The following OPCML variants were observed in gnomAD, a reference collection of about 807,000 sequenced individuals.
The protein encoded by OPCML is opioid-binding protein/cell adhesion molecule.
A neutral mutation model predicts 37.8 loss-of-function variants in OPCML; 13 were observed. The ratio of observed to expected loss-of-function variants is 0.34; its 90% CI spans 0.22 to 0.55. The LOEUF (loss-of-function observed/expected upper bound fraction) is 0.55, where lower values mean the gene tolerates loss of function less well. OPCML is among the 20% of genes least tolerant of loss of function. The probability of loss-of-function intolerance (pLI) is 0.91; values close to 1 mark genes in which losing one functional copy is unlikely to be tolerated. For synonymous variants in OPCML, 176 were observed against 168.8 expected, an observed-to-expected ratio of 1.04 and a Z score of -0.33; for missense variants, 341 against 435.6, an observed-to-expected ratio of 0.78 and a Z score of 1.93.
intron 1 of OPCML, among the ~76,000 whole-genome samples, chr11:133,040,334 C>T (rs183509650): frequency 1.2e-4 from 19 of 152,288 alleles, no homozygotes; most frequent in African/African-American, 4.6e-4. Flanking sequence ...AACCTGTAGC[C>T]TCCACTCATC....
intron 2 of OPCML, among the ~76,000 whole-genome samples, chr11:132,670,930 C>A (rs944130511): frequency 1.3e-5 from 2 of 152,142 alleles, no homozygotes; most frequent in African/African-American, 4.8e-5. Context: ...AGTAGGACAT[C>A]CATCTCTTCC....
intron 2 of OPCML, among the ~76,000 whole-genome samples, chr11:132,926,235 C>T (rs573156707): frequency 2.0e-5 from 3 of 152,186 alleles, no homozygotes; most frequent in African/African-American, 7.2e-5. Context: ...GTCTTTCCAC[C>T]CTAGATTGTA....
chr11:132,441,606 C>T (rs2096035776), intron 4 of OPCML, among the ~76,000 whole-genome samples: 1 of 152,300 alleles, frequency 6.6e-6, no homozygotes, highest in East Asian at 1.9e-4. Flanking sequence ...TATGAACCTG[C>T]TCTAAGCACT....
At chr11:133,450,874 C>CA (rs1946567535) in intron 1 of OPCML, among the ~76,000 whole-genome samples, 1 of 151,722 alleles carries the variant, frequency 6.6e-6, no homozygotes, top group South Asian at 2.1e-4. Flanking sequence ...GCACTCATCA[C>CA]AAAATGAATT....
At chr11:133,484,056 AG>A (rs1947467139) in intron 1 of OPCML, among the ~76,000 whole-genome samples, 2 of 151,140 alleles carry the variant, frequency 1.3e-5, no homozygotes, top group Non-Finnish European at 3.0e-5. Context: ...ATAGATAGAT[AG>A]ATAGATAGAT....
chr11:132,821,083 A>C (rs945212665), intron 2 of OPCML, among the ~76,000 whole-genome samples: 1 of 152,218 alleles, frequency 6.6e-6, no homozygotes, highest in Non-Finnish European at 1.5e-5. Context: ...AGTGAGGTCA[A>C]GAGGCCAGGA....
At chr11:132,655,799 G>T (rs1200475872) in intron 3 of OPCML, among the ~76,000 whole-genome samples, 3 of 151,758 alleles carry the variant, frequency 2.0e-5, no homozygotes, top group African/African-American at 7.2e-5. Context: ...ACTGAAGCAT[G>T]AATAGACAGC....
chr11:133,370,893 A>T (rs1017398730), intron 1 of OPCML, among the ~76,000 whole-genome samples: 13 of 152,222 alleles, frequency 8.5e-5, no homozygotes. Flanking sequence ...AACCTTTTGA[A>T]TGGAAGAGAA....
chr11:132,944,124 TC>T (rs528232233), intron 1 of OPCML, among the ~76,000 whole-genome samples: 2,630 of 149,644 alleles, frequency 0.018, 82 homozygotes, highest in African/African-American at 0.061. Flanking sequence ...CTTCGCTCCG[TC>T]CCGACACCCG....
chr11:132,709,143 G>C (rs1437925874), intron 2 of OPCML, among the ~76,000 whole-genome samples: 2 of 152,152 alleles, frequency 1.3e-5, no homozygotes, highest in African/African-American at 2.4e-5. Flanking sequence ...AGATAACCCG[G>C]TGCCTCCACC....
At chr11:132,441,165 G>GTTTTTTTTTTTCTTTTT (rs2096031987) in intron 4 of OPCML, among the ~76,000 whole-genome samples, 1 of 72,402 alleles carries the variant, frequency 1.4e-5, no homozygotes, top group Non-Finnish European at 2.3e-5. Flanking sequence ...GGACTTTTTT[G>GTTTTTTTTTTTCTTTTT]TTTTTTTTTT....
intron 1 of OPCML, among the ~76,000 whole-genome samples, chr11:132,967,107 G>T (rs1185065281): frequency 1.3e-5 from 2 of 151,722 alleles, no homozygotes; most frequent in Non-Finnish European, 2.9e-5. Flanking sequence ...GTCGTTTGCT[G>T]CTTTCTTCAT....
chr11:133,391,805 C>G (rs1945179922), intron 1 of OPCML, among the ~76,000 whole-genome samples: 1 of 152,160 alleles, frequency 6.6e-6, no homozygotes, highest in Non-Finnish European at 1.5e-5. Flanking sequence ...AGTGCATTAT[C>G]CCATTTAACA....
rs1162462067 is a variant in OPCML, at chr11:133,208,023, G to A, written c.62-265013C>T. Among the ~76,000 whole-genome samples the A allele has an allele frequency of 6.6e-6, 1 of 152,064 alleles. No individual in the cohort carries two copies. The highest frequency in any genetic ancestry group is 1.5e-5 in the Non-Finnish European group (1 of 68,030). On this transcript the variant is annotated intron_variant, in intron 1 of 7. Coordinates refer to ENST00000524381, the MANE Select transcript of OPCML (RefSeq NM_001012393.5). This position sits in a 1 kb window ranked among gnomAD's most constrained non-coding sequence, Gnocchi z 8.9. Reference sequence around the variant, plus strand: ...CGCTTTGTAATTAAGAACTCAAACTGCATTTAACCACCCTAGGCAAGGTTA... The same window carrying A: ...CGCTTTGTAATTAAGAACTCAAACTACATTTAACCACCCTAGGCAAGGTTA...
intron 1 of OPCML, among the ~76,000 whole-genome samples, chr11:133,490,550 G>T (rs1343863000): frequency 1.3e-5 from 2 of 152,120 alleles, no homozygotes; most frequent in Admixed American, 6.6e-5. Flanking sequence ...CCCAAGAAAA[G>T]GCAAATATGC....
chr11:132,943,416 C>A lies in OPCML; in HGVS notation c.62-406G>T. ...GTGCGGGGATGAAGGTCACAGATTG[C>A]GCTTTCTCTGCCTCTCTCTTCGAGA... On this transcript the variant is annotated intron_variant, in intron 1 of 7. Transcript: ENST00000524381. This position sits in a 1 kb window ranked among gnomAD's most constrained non-coding sequence, Gnocchi z 4.3. The A allele has an allele frequency of 2.5e-6, 1 of 396,184 alleles. No homozygotes were observed. Among genetic ancestry groups the A allele is most frequent in the Non-Finnish European group, 4.7e-6 (1 of 214,014 alleles). The allele number at this position is 396,184 out of a possible 1,614,324, so 24.5% of individuals were successfully genotyped here.
intron 1 of OPCML, among the ~76,000 whole-genome samples, chr11:133,133,822 C>T (rs766389783): frequency 9.2e-5 from 14 of 151,970 alleles, no homozygotes; most frequent in Non-Finnish European, 1.9e-4. Flanking sequence ...TGCATAAGCC[C>T]AAGTAAAGCA....
chr11:133,478,533 C>T (rs1402195155), intron 1 of OPCML, among the ~76,000 whole-genome samples: 1 of 152,098 alleles, frequency 6.6e-6, no homozygotes, highest in Non-Finnish European at 1.5e-5. Flanking sequence ...AATATACCAC[C>T]TGTACTGCTT....
chr11:133,367,040 G>A (rs746435163), intron 1 of OPCML, among the ~76,000 whole-genome samples: 28 of 151,966 alleles, frequency 1.8e-4, no homozygotes, highest in African/African-American at 3.6e-4. Flanking sequence ...GCAGTGGTGC[G>A]GTGTCTCGGT....
Sources: allele counts gnomAD v4.1 joint callset (sites outside exome capture counted in the v4.1 genomes callset), GRCh38; gene constraint gnomAD v4.1.1; non-coding constraint Gnocchi (gnomAD v3.1); transcripts MANE v1.5; gene names NCBI Gene and HGNC (gene_info 2026-07-23, HGNC 2026-07-21).